The following OR3A2 variants were observed in gnomAD, a reference collection of about 807,000 sequenced individuals.
OR3A2 encodes the protein olfactory receptor family 3 subfamily A member 2.
For missense variants in OR3A2, 318 were observed against 392.8 expected (o/e 0.81, Z 1.61); for synonymous variants, 126 against 159.3 (o/e 0.79, Z 1.57).
At chr17:3,371,879 A>C (rs1597362969) in intron 2 of OR3A2, among the ~76,000 whole-genome samples, 2 of 106,454 alleles carry the variant, frequency 1.9e-5, no homozygotes, top group African/African-American at 3.8e-5. Context: ...AGGGGAGCTG[A>C]CCCCCCCACC....
intron 2 of OR3A2, among the ~76,000 whole-genome samples, chr17:3,356,790 G>T (rs1482845583): frequency 6.6e-6 from 1 of 151,536 alleles, no homozygotes; most frequent in Non-Finnish European, 1.5e-5. Context: ...ACGCTCTTAA[G>T]TTTATAGTAA....
In OR3A2 at chr17:3,351,130, G is replaced by A. The variant is rs899061006; in HGVS notation, c.-178-15004C>T. On this transcript the variant is annotated intron_variant, in intron 2 of 4. Transcript: ENST00000573491. ...TCCCTTTGAAAACTGGCACAAGACA[G>A]GGATGCCCTCTCTCACCACTCCTAT... 1.7e-3 allele frequency among the ~76,000 whole-genome samples: 264 copies of A among 151,224 alleles called. 1 individual carries two copies. Among genetic ancestry groups the A allele is most frequent in the African/African-American group, 5.8e-3 (238 of 41,310 alleles).
At chr17:3,332,531 G>A (rs1334388580) in intron 3 of OR3A2, among the ~76,000 whole-genome samples, 1 of 152,340 alleles carries the variant, frequency 6.6e-6, no homozygotes, top group South Asian at 2.1e-4. Context: ...CACTTCCCAA[G>A]TGAGGCAATG....
intron 2 of OR3A2, among the ~76,000 whole-genome samples, chr17:3,376,827 C>T (rs1240678167): frequency 6.6e-6 from 1 of 152,128 alleles, no homozygotes; most frequent in Non-Finnish European, 1.5e-5. Flanking sequence ...GCTGCCTTTC[C>T]CAAGGATCCC....
chr17:3,299,717 C>G (rs2855671), intron 3 of OR3A2, among the ~76,000 whole-genome samples: 2 of 151,656 alleles, frequency 1.3e-5, no homozygotes, highest in African/African-American at 4.8e-5. Flanking sequence ...AAAACACTGA[C>G]GTGGTGTACA....
At chr17:3,341,244 T>C (rs2150647598) in intron 2 of OR3A2, among the ~76,000 whole-genome samples, 1 of 150,822 alleles carries the variant, frequency 6.6e-6, no homozygotes, top group Non-Finnish European at 1.5e-5. Flanking sequence ...TGTCCTTTAA[T>C]TGGGGCATTT....
chr17:3,310,242 C>T, intron 3 of OR3A2: 1 of 475,306 alleles, frequency 2.1e-6, no homozygotes, highest in Middle Eastern at 3.5e-4. Flanking sequence ...GTTATCAACA[C>T]CTCATCCTGC....
chr17:3,331,091 C>G (rs991032846), intron 3 of OR3A2, among the ~76,000 whole-genome samples: 1 of 152,208 alleles, frequency 6.6e-6, no homozygotes, highest in African/African-American at 2.4e-5. Context: ...AGCTGTTAGT[C>G]TGATGGGCTT....
At chr17:3,357,424 A>G (rs1222404664) in intron 2 of OR3A2, among the ~76,000 whole-genome samples, 1 of 151,756 alleles carries the variant, frequency 6.6e-6, no homozygotes, top group Admixed American at 6.6e-5. Flanking sequence ...TGAAATATTA[A>G]GAACATCTTA....
chr17:3,304,676 T>C (rs966341931), intron 3 of OR3A2, among the ~76,000 whole-genome samples: 1 of 152,152 alleles, frequency 6.6e-6, no homozygotes, highest in Non-Finnish European at 1.5e-5. Flanking sequence ...AAAAGAAAAT[T>C]TAAACAGAAC....
chr17:3,316,697 A>AT (rs1328939419), intron 3 of OR3A2, among the ~76,000 whole-genome samples: 2 of 152,036 alleles, frequency 1.3e-5, no homozygotes, highest in African/African-American at 4.8e-5. Context: ...CAGATGACAG[A>AT]TTCGGTGACT....
Position 3,291,739 on chromosome 17 carries a change from T to A in OR3A2, c.-84-12586A>T, listed in dbSNP as rs553536558. On this transcript the variant is annotated intron_variant, in intron 3 of 4. Transcript: ENST00000573491. Reference sequence around the variant, plus strand: ...GGGTTCAGCATGGGATTGATGACAGTGTTGAAAATTCCAACAGCTTTATCC... The same window carrying A: ...GGGTTCAGCATGGGATTGATGACAGAGTTGAAAATTCCAACAGCTTTATCC... 1.2e-6 allele frequency: 2 copies of A among 1,613,682 alleles called. No individual in the cohort carries two copies. Among genetic ancestry groups the A allele is most frequent in the African/African-American group, 2.7e-5 (2 of 74,924 alleles).
chr17:3,294,934 C>G (rs2048907306), intron 3 of OR3A2, among the ~76,000 whole-genome samples: 1 of 152,056 alleles, frequency 6.6e-6, no homozygotes, highest in Non-Finnish European at 1.5e-5. Flanking sequence ...TTGAAGAAAG[C>G]AGACTTCAGA....
chr17:3,285,481 A>G (rs1274348239), upstream of OR3A2, among the ~76,000 whole-genome samples: 2 of 152,128 alleles, frequency 1.3e-5, no homozygotes, highest in Non-Finnish European at 2.9e-5. Context: ...TCTACATATG[A>G]ATTGATAACA....
intron 3 of OR3A2, among the ~76,000 whole-genome samples, chr17:3,316,936 G>A (rs1347973646): frequency 2.0e-5 from 3 of 152,166 alleles, no homozygotes; most frequent in Non-Finnish European, 4.4e-5. Context: ...TTCAAGTTTT[G>A]ATTCTTTATC....
chr17:3,285,560 G>T (rs962863696), upstream of OR3A2, among the ~76,000 whole-genome samples: 26 of 152,142 alleles, frequency 1.7e-4, no homozygotes, highest in African/African-American at 6.0e-4. Context: ...AGGCTGAGGC[G>T]GGGATCGCTT....
chr17:3,339,301 CTA>C (rs2049296289), intron 2 of OR3A2, among the ~76,000 whole-genome samples: 1 of 152,174 alleles, frequency 6.6e-6, no homozygotes, highest in African/African-American at 2.4e-5. Context: ...ACTTTCAACA[CTA>C]TGTTCAATAG....
At chr17:3,290,477 TTTCTC>T (rs1257260045) in intron 3 of OR3A2, among the ~76,000 whole-genome samples, 5 of 152,202 alleles carry the variant, frequency 3.3e-5, no homozygotes, top group Non-Finnish European at 7.3e-5. Flanking sequence ...TTTTGTGTCT[TTTCTC>T]TTTATCTCTA....
chr17:3,356,399 T>G (rs2049466117), intron 2 of OR3A2, among the ~76,000 whole-genome samples: 1 of 151,486 alleles, frequency 6.6e-6, no homozygotes, highest in South Asian at 2.1e-4. Flanking sequence ...CCATTTAGCA[T>G]TTCTTGTAGG....
Sources: gnomAD v4.1 joint callset for allele counts (sites outside exome capture counted in the v4.1 genomes callset) on GRCh38, gnomAD v4.1.1 for gene constraint, MANE v1.5 for transcripts, NCBI Gene and HGNC (gene_info 2026-07-23, HGNC 2026-07-21) for gene names.